The following CELF4 variants were observed in gnomAD, a reference collection of about 807,000 sequenced individuals.
CELF4 encodes CUG-BP- and ETR-3-like factor 4.
A neutral mutation model predicts 59.9 loss-of-function variants in CELF4; 18 were observed. That is an observed-to-expected ratio of 0.30 (90% CI 0.21 to 0.45). CELF4 has a LOEUF of 0.45. Ranked by LOEUF, CELF4 falls within the 20% of genes least tolerant of loss-of-function variation. The probability of loss-of-function intolerance (pLI) is 1.00; values close to 1 mark genes in which losing one functional copy is unlikely to be tolerated. For synonymous variants in CELF4, 261 were observed against 267.1 expected, an observed-to-expected ratio of 0.98 and a Z score of 0.22; for missense variants, 456 against 689.0, an observed-to-expected ratio of 0.66 and a Z score of 3.79.
At chr18:37,386,590 G>A (rs2099101987) in intron 2 of CELF4, among the ~76,000 whole-genome samples, 1 of 152,134 alleles carries the variant, frequency 6.6e-6, no homozygotes, top group African/African-American at 2.4e-5. Context: ...ATTATCCTTA[G>A]AAAAAGTCAA....
chr18:37,252,182 A>ATGTG (rs903322383), intron 12 of CELF4, among the ~76,000 whole-genome samples: 1 of 152,138 alleles, frequency 6.6e-6, no homozygotes, highest in Non-Finnish European at 1.5e-5. Context: ...TGAAACTCAA[A>ATGTG]TGTGTATTTT....
intron 2 of CELF4, among the ~76,000 whole-genome samples, chr18:37,339,824 C>T (rs1277009940): frequency 6.6e-6 from 1 of 151,778 alleles, no homozygotes. Flanking sequence ...GGTCATGCCC[C>T]TGCCAATGAA....
intron 2 of CELF4, among the ~76,000 whole-genome samples, chr18:37,355,345 G>A (rs950850958): frequency 2.6e-5 from 4 of 151,890 alleles, no homozygotes; most frequent in African/African-American, 9.7e-5. Context: ...GCAGGTACAT[G>A]TGGTGTAACA....
chr18:37,507,874 C>T (rs1054977244), intron 1 of CELF4, among the ~76,000 whole-genome samples: 17 of 152,200 alleles, frequency 1.1e-4, no homozygotes, highest in African/African-American at 3.6e-4. Context: ...TGCCCATCCT[C>T]CTGGGTTCTG....
intron 2 of CELF4, among the ~76,000 whole-genome samples, chr18:37,480,216 G>C (rs1007526220): frequency 6.6e-6 from 1 of 151,632 alleles, no homozygotes; most frequent in Non-Finnish European, 1.5e-5. Context: ...ATCTGGCTGA[G>C]ATGATCTCTG....
chr18:37,451,104 G>A (rs1196063799), intron 2 of CELF4, among the ~76,000 whole-genome samples: 1 of 152,226 alleles, frequency 6.6e-6, no homozygotes, highest in African/African-American at 2.4e-5. Flanking sequence ...ACCAGGCTCT[G>A]CAATGGGACA....
At chr18:37,455,636 C>T (rs1014668517) in intron 2 of CELF4, among the ~76,000 whole-genome samples, 7 of 152,318 alleles carry the variant, frequency 4.6e-5, no homozygotes, top group East Asian at 3.9e-4. Context: ...TGAGCATGGG[C>T]AGTCAGGGAA....
chr18:37,374,169 A>G (rs2098937484), intron 2 of CELF4, among the ~76,000 whole-genome samples: 2 of 152,148 alleles, frequency 1.3e-5, no homozygotes, highest in Non-Finnish European at 2.9e-5. Flanking sequence ...AGTTCCCCGC[A>G]GGTCCCCACC....
At chr18:37,385,924 A>G (rs917216578) in intron 2 of CELF4, among the ~76,000 whole-genome samples, 1 of 152,254 alleles carries the variant, frequency 6.6e-6, no homozygotes, top group African/African-American at 2.4e-5. Flanking sequence ...ATTTTCAGAT[A>G]CTACACTCAT....
At chr18:37,412,230 A>G (rs868522232) in intron 2 of CELF4, among the ~76,000 whole-genome samples, 3 of 152,232 alleles carry the variant, frequency 2.0e-5, no homozygotes, top group Non-Finnish European at 4.4e-5. Context: ...CTTCCAGCCC[A>G]GAGACGGAGA....
chr18:37,510,437 T>C (rs1419653459), intron 1 of CELF4, among the ~76,000 whole-genome samples: 1 of 152,238 alleles, frequency 6.6e-6, no homozygotes, highest in Non-Finnish European at 1.5e-5. Context: ...TCAGCTCTCC[T>C]GCTCCTCTAG....
At chr18:37,316,454 G>A (rs1281666715) in intron 3 of CELF4, among the ~76,000 whole-genome samples, 1 of 152,106 alleles carries the variant, frequency 6.6e-6, no homozygotes, top group Non-Finnish European at 1.5e-5. Flanking sequence ...CCAGATCCTG[G>A]TGGTGGTAGC....
At position 37,340,126 on chromosome 18, in the gene CELF4, C is replaced by A. The variant is rs139522005; in HGVS notation, c.370-18245G>T. Among the ~76,000 whole-genome samples, 230 of 152,346 alleles carry A rather than the reference C, an allele frequency of 1.5e-3. 1 individual carries two copies. Among genetic ancestry groups the A allele is most frequent in the African/African-American group, 5.4e-3 (225 of 41,588 alleles). ...CCACCACAATGCCCAGCCTGGGGGG[C>A]ACTGATAGGAAAATGTCCGCACACA... is the stretch of plus-strand genomic sequence containing the variant. On this transcript the variant is annotated intron_variant, in intron 2 of 12. Coordinates refer to ENST00000420428, the MANE Select transcript of CELF4 (RefSeq NM_020180.4).
At chr18:37,410,418 C>T (rs2099430570) in intron 2 of CELF4, among the ~76,000 whole-genome samples, 1 of 152,246 alleles carries the variant, frequency 6.6e-6, no homozygotes, top group Non-Finnish European at 1.5e-5. Flanking sequence ...GGGCTGCAGG[C>T]CAGTGTGGGC....
intron 2 of CELF4, among the ~76,000 whole-genome samples, chr18:37,377,263 C>A (rs1271318156): frequency 6.6e-6 from 1 of 152,094 alleles, no homozygotes; most frequent in Non-Finnish European, 1.5e-5. Context: ...GGTAAGACTG[C>A]CTGAGGACGG....
intron 2 of CELF4, among the ~76,000 whole-genome samples, chr18:37,480,786 T>C (rs2154602987): frequency 6.7e-6 from 1 of 149,702 alleles, no homozygotes; most frequent in African/African-American, 2.5e-5. Flanking sequence ...AAAGTGTTGG[T>C]GAGAGAGATA....
chr18:37,472,414 G>C (rs1297776450), intron 2 of CELF4, among the ~76,000 whole-genome samples: 1 of 152,276 alleles, frequency 6.6e-6, no homozygotes, highest in Non-Finnish European at 1.5e-5. Context: ...GCCGGGGATG[G>C]ATCAGAAGGG....
intron 2 of CELF4, among the ~76,000 whole-genome samples, chr18:37,335,547 T>C (rs865831573): frequency 6.7e-4 from 101 of 151,674 alleles, no homozygotes; most frequent in African/African-American, 2.1e-3. Context: ...AGGTATGGTG[T>C]GTGATGTGCG....
intron 2 of CELF4, among the ~76,000 whole-genome samples, chr18:37,384,172 G>A (rs1362697586): frequency 6.6e-6 from 1 of 152,166 alleles, no homozygotes; most frequent in African/African-American, 2.4e-5. Context: ...GTGGGAGGGG[G>A]ACAAATTTGG....
Sources: gnomAD v4.1 joint callset for allele counts (sites outside exome capture counted in the v4.1 genomes callset) on GRCh38, gnomAD v4.1.1 for gene constraint, MANE v1.5 for transcripts, NCBI Gene and HGNC (gene_info 2026-07-23, HGNC 2026-07-21) for gene names.